The following ITGBL1 variants were observed in gnomAD, a reference collection of about 807,000 sequenced individuals.
The protein encoded by ITGBL1 is integrin subunit beta like 1.
Under a neutral mutation model 68.5 loss-of-function variants are expected in ITGBL1, and 51 were observed. That is an observed-to-expected ratio of 0.74 (90% CI 0.59 to 0.94). The LOEUF (loss-of-function observed/expected upper bound fraction) is 0.94, where lower values mean the gene tolerates loss of function less well. Among genes scored for constraint, ITGBL1 ranks in the 40% least tolerant of loss-of-function variants. The pLI is 0.00. For missense variants in ITGBL1, 649 were observed against 647.4 expected (o/e 1.00, Z -0.03); for synonymous variants, 209 against 227.3 (o/e 0.92, Z 0.72).
At chr13:101,596,345 G>A (rs188939567) in intron 6 of ITGBL1, among the ~76,000 whole-genome samples, 1 of 152,246 alleles carries the variant, frequency 6.6e-6, no homozygotes, top group East Asian at 1.9e-4. Flanking sequence ...ATACGTTCTG[G>A]AGATCTAATG....
intron 7 of ITGBL1, among the ~76,000 whole-genome samples, chr13:101,604,813 A>G (rs538046682): frequency 6.2e-4 from 83 of 133,422 alleles, no homozygotes; most frequent in African/African-American, 2.1e-3. Context: ...CTAGAAGAAT[A>G]TACTGAAGTT....
intron 2 of ITGBL1, among the ~76,000 whole-genome samples, chr13:101,489,290 A>T (rs773888106): frequency 6.6e-6 from 1 of 152,232 alleles, no homozygotes; most frequent in Non-Finnish European, 1.5e-5. Context: ...GGATTGATAG[A>T]TGGATAAACA....
chr13:101,628,720 G>C (rs532608469), intron 7 of ITGBL1, among the ~76,000 whole-genome samples: 1 of 151,142 alleles, frequency 6.6e-6, no homozygotes, highest in Non-Finnish European at 1.5e-5. Flanking sequence ...GATTACAGGC[G>C]TGAGCCACCA....
At chr13:101,489,852 A>C in intron 2 of ITGBL1, 1 of 678,678 alleles carries the variant, frequency 1.5e-6, no homozygotes, top group Non-Finnish European at 2.5e-6. Context: ...AGTTTGTCTG[A>C]CTCATTGGTG....
chr13:101,524,357 A>C (rs1185083603), intron 2 of ITGBL1, among the ~76,000 whole-genome samples: 2 of 148,900 alleles, frequency 1.3e-5, no homozygotes, highest in African/African-American at 5.0e-5. Flanking sequence ...TTTTGGTGAG[A>C]GATAGATTGT....
In ITGBL1 at chr13:101,647,813, T is replaced by C. The variant is rs1170083534; in HGVS notation, c.1016-44772T>C. Among the ~76,000 whole-genome samples the C allele has an allele frequency of 2.0e-5, 3 of 152,192 alleles. No individual in the cohort carries two copies. In the East Asian group the frequency reaches 5.8e-4, roughly 29 times the overall value. ...AAAAAGGGAGCCAGCTATTCCACCC[T>C]GGTTTTTTTCTCCAAAGCATTTGCC... On this transcript the variant is annotated intron_variant, in intron 7 of 10. Transcript: ENST00000376180.
Position 101,454,057 on chromosome 13 carries a change from C to T in ITGBL1, c.273C>T (p.Cys91=). The T allele has an allele frequency of 1.3e-6, 2 of 1,591,584 alleles. No homozygotes were observed. The highest frequency in any genetic ancestry group is 1.7e-4 in the Middle Eastern group (1 of 6,016). ...PGMFFGPLCE[C]HEWVCETYDG... ...TGTTCTTCGGGCCCCTGTGTGAGTG[C>T]CATGAGTGGGTGTGCGAGACCTACG... is the stretch of plus-strand genomic sequence containing the variant. The change falls in exon 2 of 11, where the codon TGC becomes TGT. Residue 91 remains cysteine (C), a synonymous_variant. Coordinates refer to ENST00000376180, the MANE Select transcript of ITGBL1 (RefSeq NM_004791.3).
At chr13:101,566,318 G>A (rs1005610792) in intron 2 of ITGBL1, among the ~76,000 whole-genome samples, 1 of 152,036 alleles carries the variant, frequency 6.6e-6, no homozygotes, top group Non-Finnish European at 1.5e-5. Context: ...TTATAAATAG[G>A]CTAGGTGGTT....
intron 9 of ITGBL1, among the ~76,000 whole-genome samples, chr13:101,707,943 CACCA>C (rs111356519): frequency 4.3e-4 from 65 of 151,358 alleles, no homozygotes; most frequent in African/African-American, 1.5e-3. Context: ...GAATAGAAGC[CACCA>C]ACCCAATAAA....
At chr13:101,527,684 C>T (rs778503957) in intron 2 of ITGBL1, among the ~76,000 whole-genome samples, 7 of 152,072 alleles carry the variant, frequency 4.6e-5, no homozygotes, top group Non-Finnish European at 1.0e-4. Flanking sequence ...TTGTTTTTTT[C>T]AGAGTTTTAA....
chr13:101,593,754 C>T (rs780446071), intron 6 of ITGBL1, among the ~76,000 whole-genome samples: 13 of 151,874 alleles, frequency 8.6e-5, no homozygotes, highest in African/African-American at 3.1e-4. Flanking sequence ...TTACCAGAGA[C>T]GGGAGGAGGA....
At position 101,657,830 on chromosome 13, in the gene ITGBL1, T is replaced by C. The variant is rs553336950; in HGVS notation, c.1016-34755T>C. Among the ~76,000 whole-genome samples, 11 of 152,328 alleles carry C rather than the reference T, an allele frequency of 7.2e-5. No individual in the cohort carries two copies. The East Asian group carries it at 1.7e-3, about 24-fold the overall frequency. On this transcript the variant is annotated intron_variant, in intron 7 of 10. Transcript: ENST00000376180. The stretch of plus-strand genomic sequence containing the variant: ...CAAAGAACAAATGACCTCTCTTTAA[T>C]AATCTAGTGTTACAGCAGTCCTGAA...
chr13:101,674,686 T>C (rs2033458793), intron 7 of ITGBL1, among the ~76,000 whole-genome samples: 1 of 152,076 alleles, frequency 6.6e-6, no homozygotes, highest in African/African-American at 2.4e-5. Flanking sequence ...AATCTACTTA[T>C]ATAAATTTTT....
chr13:101,581,370 C>T (rs911395617), intron 5 of ITGBL1, among the ~76,000 whole-genome samples: 1 of 152,072 alleles, frequency 6.6e-6, no homozygotes, highest in Non-Finnish European at 1.5e-5. Context: ...AAGTAGAGTA[C>T]ACAGAAAAAT....
At chr13:101,480,015 G>C (rs4572249) in intron 2 of ITGBL1, among the ~76,000 whole-genome samples, 21,396 of 151,954 alleles carry the variant, frequency 0.14, 1,949 homozygotes, top group East Asian at 0.4. Context: ...TATCTGCCCT[G>C]TTATGTTTAT....
At chr13:101,543,464 T>G (rs9557693) in intron 2 of ITGBL1, among the ~76,000 whole-genome samples, 122,083 of 151,502 alleles carry the variant, frequency 0.81, 49,295 homozygotes, top group African/African-American at 0.87. Flanking sequence ...TGGGTAACCC[T>G]ACCTTTCTCT....
At chr13:101,475,223 A>G (rs1440243997) in intron 2 of ITGBL1, among the ~76,000 whole-genome samples, 1 of 152,174 alleles carries the variant, frequency 6.6e-6, no homozygotes, top group Non-Finnish European at 1.5e-5. Flanking sequence ...ATTCTATCAG[A>G]TAAATTTAGC....
At chr13:101,454,443 C>T (rs918128296) in intron 2 of ITGBL1, among the ~76,000 whole-genome samples, 3 of 147,124 alleles carry the variant, frequency 2.0e-5, no homozygotes, top group South Asian at 2.3e-4. Context: ...TATCCTCCCT[C>T]CTGAGCTTCC....
chr13:101,549,882 T>C (rs991342705), intron 2 of ITGBL1, among the ~76,000 whole-genome samples: 3 of 152,152 alleles, frequency 2.0e-5, no homozygotes, highest in Admixed American at 1.3e-4. Flanking sequence ...TGTATTGATA[T>C]ACATAGCTTT....
Sources: gnomAD v4.1 joint callset for allele counts (sites outside exome capture counted in the v4.1 genomes callset) on GRCh38, gnomAD v4.1.1 for gene constraint, MANE v1.5 for transcripts, NCBI Gene and HGNC (gene_info 2026-07-23, HGNC 2026-07-21) for gene names.